ZNF33A: variants seen among roughly 807,000 people sequenced by gnomAD.
The protein encoded by ZNF33A is brain my041 protein.
A neutral mutation model predicts 15.9 loss-of-function variants in ZNF33A; 9 were observed. The observed-to-expected ratio is 0.57, with a 90% CI of 0.34 to 0.99. The LOEUF is 0.99. ZNF33A is among the 50% of genes least tolerant of loss of function. ZNF33A has a pLI of 0.02. For synonymous variants in ZNF33A, 294 were observed against 324.2 expected (o/e 0.91, Z 1.00); for missense variants, 843 against 941.6 (o/e 0.90, Z 1.37).
chr10:38,048,505 A>G (rs1442442958), intron 4 of ZNF33A, among the ~76,000 whole-genome samples: 1 of 152,216 alleles, frequency 6.6e-6, no homozygotes, highest in Non-Finnish European at 1.5e-5. Context: ...AGATTTCTTG[A>G]TAAGATAAAT....
intron 4 of ZNF33A, among the ~76,000 whole-genome samples, chr10:38,034,637 AT>A (rs1359416500): frequency 6.6e-6 from 1 of 152,208 alleles, no homozygotes; most frequent in African/African-American, 2.4e-5. Flanking sequence ...TATTGTACAC[AT>A]TGGAACAATG....
At chr10:38,049,060 C>A (rs2066081898) in intron 4 of ZNF33A, among the ~76,000 whole-genome samples, 1 of 152,002 alleles carries the variant, frequency 6.6e-6, no homozygotes, top group Non-Finnish European at 1.5e-5. Context: ...GGATTGAAGT[C>A]ATATAGAGTA....
At chr10:38,044,946 G>A (rs1364179848) in intron 4 of ZNF33A, among the ~76,000 whole-genome samples, 1 of 152,198 alleles carries the variant, frequency 6.6e-6, no homozygotes, top group Non-Finnish European at 1.5e-5. Flanking sequence ...GGGATTACAG[G>A]CGTGAGCCAC....
At chr10:38,035,119 T>C (rs928611932) in intron 4 of ZNF33A, among the ~76,000 whole-genome samples, 13 of 136,682 alleles carry the variant, frequency 9.5e-5, no homozygotes, top group Admixed American at 6.7e-4. Flanking sequence ...TTCTTTTTTT[T>C]TTTTTTTTTT....
chr10:38,010,583 C>T (rs1365362418), upstream of ZNF33A: 4 of 945,328 alleles, frequency 4.2e-6, no homozygotes, highest in African/African-American at 4.8e-5. Flanking sequence ...CTCGCCCGGC[C>T]TCACGGGAAA....
At chr10:38,010,820 G>A in intron 1 of ZNF33A, 37 bp downstream of exon 1, 3 of 1,596,420 alleles carry the variant, frequency 1.9e-6, no homozygotes, top group South Asian at 1.1e-5. Flanking sequence ...GAGAGAGGGA[G>A]CCCCGCGCGA....
chr10:38,015,905 A>C, intron 2 of ZNF33A: 162 of 966,912 alleles, frequency 1.7e-4, no homozygotes, highest in Middle Eastern at 3.7e-4. Flanking sequence ...CTGTAAACGA[A>C]ACCTGGTCCT....
At chr10:38,050,530 C>T (rs563024796) in intron 4 of ZNF33A, among the ~76,000 whole-genome samples, 1 of 152,212 alleles carries the variant, frequency 6.6e-6, no homozygotes, top group East Asian at 1.9e-4. Flanking sequence ...CTGATGGACA[C>T]TGGACTATGT....
At position 38,055,792 on chromosome 10, in the gene ZNF33A, C is replaced by T. The variant is rs138923692; in HGVS notation, c.1668C>T (p.Pro556=). 58 of 1,582,574 alleles carry T rather than the reference C, an allele frequency of 3.7e-5. No individual in the cohort carries two copies. The highest frequency in any genetic ancestry group is 2.8e-4 in the East Asian group (12 of 42,874). The part of the protein sequence containing the change: ...THTGQKPFAC[P]ECGKFFSHKS... ...CAGGGCAGAAACCCTTTGCATGTCC[C>T]GAATGTGGGAAATTCTTTAGCCATA... The change falls in exon 5 of 5, where the codon CCC becomes CCT. Residue 556 remains proline (P), a synonymous_variant. Coordinates refer to ENST00000432900, the MANE Select transcript of ZNF33A (RefSeq NM_006954.2).
chr10:38,038,354 G>A (rs1474646856), intron 4 of ZNF33A, among the ~76,000 whole-genome samples: 2 of 152,130 alleles, frequency 1.3e-5, no homozygotes, highest in South Asian at 2.1e-4. Context: ...CAGCCACCTC[G>A]GCATCCCAAA....
chr10:38,040,217 T>A (rs1410441371), intron 4 of ZNF33A, among the ~76,000 whole-genome samples: 1 of 152,144 alleles, frequency 6.6e-6, no homozygotes, highest in Non-Finnish European at 1.5e-5. Flanking sequence ...AGAGAATCAT[T>A]TTAAATTTAT....
intron 4 of ZNF33A, among the ~76,000 whole-genome samples, chr10:38,031,569 C>CA (rs764863293): frequency 0.11 from 7,912 of 70,688 alleles, 296 homozygotes; most frequent in Middle Eastern, 0.18. Context: ...GACCTTGCCT[C>CA]AAAAAAAAAA....
At chr10:38,031,923 A>G (rs2065229833) in intron 4 of ZNF33A, among the ~76,000 whole-genome samples, 1 of 152,208 alleles carries the variant, frequency 6.6e-6, no homozygotes, top group Non-Finnish European at 1.5e-5. Context: ...AGATGGCGCC[A>G]CTGCACTCCA....
chr10:38,014,790 T>C (rs1335058635), intron 2 of ZNF33A, among the ~76,000 whole-genome samples: 1 of 152,214 alleles, frequency 6.6e-6, no homozygotes, highest in Non-Finnish European at 1.5e-5. Flanking sequence ...CCTAGTTCCT[T>C]GCATTTCCAT....
chr10:38,055,576 T>TA lies in ZNF33A; in HGVS notation c.1453dup (p.Thr485AsnfsTer11). The TA allele has an allele frequency of 6.2e-7, 1 of 1,614,058 alleles. No individual in the cohort carries two copies. Among genetic ancestry groups the TA allele is most frequent in the Non-Finnish European group, 8.5e-7 (1 of 1,179,994 alleles). ...AATCCTTTAGTGAAAAGTCAAATCTTACACAGCATCAGAGAATTCACATAG... is the reference window on the plus strand; with the variant it reads ...AATCCTTTAGTGAAAAGTCAAATCTTAACACAGCATCAGAGAATTCACATAG... On this transcript the variant is annotated frameshift_variant, in exon 5 of 5. Transcript: ENST00000432900. LOFTEE classifies it low-confidence loss of function (END_TRUNC).
chr10:38,011,988 C>CT (rs918805040), intron 1 of ZNF33A, among the ~76,000 whole-genome samples: 7 of 152,076 alleles, frequency 4.6e-5, no homozygotes, highest in Admixed American at 3.3e-4. Flanking sequence ...TGTCATTATA[C>CT]TTTTTTTTGT....
chr10:38,033,562 A>G (rs2135644786), intron 4 of ZNF33A, among the ~76,000 whole-genome samples: 1 of 152,258 alleles, frequency 6.6e-6, no homozygotes, highest in Admixed American at 6.5e-5. Flanking sequence ...AATACTTTAC[A>G]ATCCTGCCAG....
At chr10:38,032,347 A>G (rs1227505658) in intron 4 of ZNF33A, among the ~76,000 whole-genome samples, 1 of 152,236 alleles carries the variant, frequency 6.6e-6, no homozygotes, top group African/African-American at 2.4e-5. Flanking sequence ...TGAGAATTAT[A>G]TGAGATATAA....
chr10:38,053,083 C>A (rs1362597970), intron 4 of ZNF33A, among the ~76,000 whole-genome samples: 1 of 152,000 alleles, frequency 6.6e-6, no homozygotes, highest in Non-Finnish European at 1.5e-5. Flanking sequence ...ATTGCTTCTT[C>A]TTTTTCTTGT....
Sources: gnomAD v4.1 joint callset for allele counts (sites outside exome capture counted in the v4.1 genomes callset) on GRCh38, gnomAD v4.1.1 for gene constraint, MANE v1.5 for transcripts, NCBI Gene and HGNC (gene_info 2026-07-23, HGNC 2026-07-21) for gene names.